Variants in AP1M2 observed in about 807,000 individuals in gnomAD.
AP1M2 encodes the protein adaptor related protein complex 1 subunit mu 2, also known as AP-1 complex subunit mu-2.
In AP1M2, 41 loss-of-function variants were observed where a neutral mutation model predicts 54.6. The observed-to-expected ratio is 0.75, with a 90% confidence interval of 0.59 to 0.97. AP1M2 has a LOEUF of 0.97. Among genes scored for constraint, AP1M2 ranks in the 50% least tolerant of loss-of-function variants. The pLI is 0.00. For missense variants in AP1M2, 507 were observed against 561.2 expected, an observed-to-expected ratio of 0.90 and a Z score of 0.98; for synonymous variants, 219 against 215.9, an observed-to-expected ratio of 1.01 and a Z score of -0.13.
rs906557864 is a variant in AP1M2 at position 10,572,865 on chromosome 19, C to T, written c.*201G>A. On this transcript the variant is annotated 3_prime_UTR_variant, in exon 12 of 12. Transcript: ENST00000250244. Reference sequence around the variant, plus strand: ...AGGGGGATGGGGAAAGCTCCAAGGGCGAGGGAAGCAGAGAGAGTTTCTCTC... The same window carrying T: ...AGGGGGATGGGGAAAGCTCCAAGGGTGAGGGAAGCAGAGAGAGTTTCTCTC... 3.8e-6 allele frequency: 2 copies of T among 524,780 alleles called. No individual in the cohort carries two copies. Among genetic ancestry groups the T allele is most frequent in the African/African-American group, 1.9e-5 (1 of 51,596 alleles). The allele number at this position is 524,780 out of a possible 1,614,324, so 32.5% of individuals were successfully genotyped here.
At position 10,579,829 on chromosome 19, in the gene AP1M2, C is replaced by T. The variant is rs1917374743; in HGVS notation, c.703G>A (p.Asp235Asn). 1.2e-6 allele frequency: 2 copies of T among 1,612,816 alleles called. No homozygotes were observed. Among genetic ancestry groups the T allele is most frequent in the East Asian group, 4.5e-5 (2 of 44,754 alleles). ...CGCACGCACTGGTGGAATTTTACAT[C>T]CTCCAGCTCTACTGATTTGTTCTTG... ...RSKNKSVELE[D>N]VKFHQCVRLS... Residue 235 changes from aspartate to asparagine, a missense_variant, in exon 7 of 12, where the codon GAT (aspartate) becomes AAT (asparagine). Coordinates refer to ENST00000250244, the MANE Select transcript of AP1M2 (RefSeq NM_005498.5).
intron 9 of AP1M2, among the ~76,000 whole-genome samples, chr19:10,575,964 G>A (rs1042085477): frequency 1.3e-5 from 2 of 148,752 alleles, no homozygotes; most frequent in African/African-American, 5.0e-5. Flanking sequence ...TAGTAGAGAC[G>A]GGGTTTCACA....
chr19:10,585,239 A>G (rs902400880), intron 1 of AP1M2, among the ~76,000 whole-genome samples: 26 of 83,216 alleles, frequency 3.1e-4, no homozygotes, highest in African/African-American at 9.3e-4. Flanking sequence ...AAAGAAAGAA[A>G]GAAAGAAGGA....
rs1002518814 is a variant in AP1M2 at position 10,585,923 on chromosome 19, A to G, written c.42+1267T>C. Reference sequence around the variant, plus strand: ...TGAAGCAGGGGGATAGCTGGGGACCAGGAGTTCAAGACCATCCTGGACAAC... The same window carrying G: ...TGAAGCAGGGGGATAGCTGGGGACCGGGAGTTCAAGACCATCCTGGACAAC... On this transcript the variant is annotated intron_variant, in intron 1 of 11. Coordinates refer to ENST00000250244, the MANE Select transcript of AP1M2 (RefSeq NM_005498.5). Among the ~76,000 whole-genome samples, 10 of 152,014 alleles carry G rather than the reference A, an allele frequency of 6.6e-5. No individual in the cohort carries two copies. The East Asian group carries it at 7.7e-4, about 12-fold the overall frequency.
At chr19:10,579,421 A>C (rs1214912062) in intron 7 of AP1M2, among the ~76,000 whole-genome samples, 1 of 152,072 alleles carries the variant, frequency 6.6e-6, no homozygotes, top group Admixed American at 6.6e-5. Flanking sequence ...GTCTCAAAAA[A>C]ATAATAATAA....
At chr19:10,586,467 A>T (rs918483029) in intron 1 of AP1M2, among the ~76,000 whole-genome samples, 3 of 151,086 alleles carry the variant, frequency 2.0e-5, no homozygotes, top group African/African-American at 7.3e-5. Flanking sequence ...AAAAAAAAAA[A>T]AAAAAAATTA....
intron 1 of AP1M2, among the ~76,000 whole-genome samples, chr19:10,585,290 A>AGAAAGAAAGAAAGAAAGAAG (rs1917607670): frequency 1.4e-4 from 12 of 82,798 alleles, no homozygotes; most frequent in African/African-American, 4.7e-4. Flanking sequence ...AAAAAAAGAA[A>AGAAAGAAAGAAAGAAAGAAG]GAAAGAAAGA....
rs555127191 is a variant in AP1M2 at position 10,583,520 on chromosome 19, A to G, written c.267+86T>C. The G allele has an allele frequency of 3.5e-4, 377 of 1,090,450 alleles. 4 individuals carry two copies. The South Asian group carries it at 4.3e-3, about 12-fold the overall frequency. The allele number at this position is 1,090,450 out of a possible 1,614,324, so 67.5% of individuals were successfully genotyped here. ...CCAGGGAGATCTGGGAAGGCTTCCT[A>G]TCAGAAAAGGATCTTGAATCTTGAA... On this transcript the variant is annotated intron_variant, in intron 3 of 11. Transcript: ENST00000250244.
At position 10,581,616 on chromosome 19, in the gene AP1M2, G is replaced by A; in HGVS notation, c.417C>T (p.Ser139=). Residue 139 remains serine (S), a synonymous_variant, in exon 5 of 12, where the codon AGC becomes AGT. Coordinates refer to ENST00000250244, the MANE Select transcript of AP1M2 (RefSeq NM_005498.5). ...KILQEYITQQ[S]NKLETGKSRV... ...GTGACTTGCCCGTCTCCAGCTTGTTGCTCTGCTGAGTGATGTACCTGGAGG... is the reference window on the plus strand; with the variant it reads ...GTGACTTGCCCGTCTCCAGCTTGTTACTCTGCTGAGTGATGTACCTGGAGG... 6.2e-7 allele frequency: 1 copy of A among 1,613,958 alleles called. No homozygotes were observed. Among genetic ancestry groups the A allele is most frequent in the East Asian group, 2.2e-5 (1 of 44,872 alleles).
intron 11 of AP1M2, among the ~76,000 whole-genome samples, chr19:10,573,747 G>A (rs1917135440): frequency 7.3e-6 from 1 of 136,302 alleles, no homozygotes; most frequent in Non-Finnish European, 1.5e-5. Context: ...CTACAGCCTC[G>A]ACCTCCTGGG....
chr19:10,580,242 G>A (rs1917395311), intron 6 of AP1M2, among the ~76,000 whole-genome samples: 1 of 151,800 alleles, frequency 6.6e-6, no homozygotes. Context: ...GTAGAGACGG[G>A]GTTTCTCCAT....
chr19:10,573,535 G>A (rs1436817873), intron 11 of AP1M2, among the ~76,000 whole-genome samples: 3 of 152,014 alleles, frequency 2.0e-5, no homozygotes, highest in African/African-American at 7.3e-5. Flanking sequence ...GCTAAACACA[G>A]GTACTGTAAC....
At chr19:10,582,114 G>A (rs1917486261) in intron 3 of AP1M2, among the ~76,000 whole-genome samples, 1 of 152,008 alleles carries the variant, frequency 6.6e-6, no homozygotes, top group South Asian at 2.1e-4. Flanking sequence ...CACTATCTCG[G>A]CTCACTGCAA....
chr19:10,578,854 G>A (rs1917332540), intron 8 of AP1M2, 38 bp downstream of exon 8: 5 of 1,555,484 alleles, frequency 3.2e-6, no homozygotes, highest in Non-Finnish European at 4.4e-6. Flanking sequence ...ACCCACCCGA[G>A]ATCATGCATT....
rs1451949661 is a variant in AP1M2, at chr19:10,585,264, GA to G, written c.43-1195del. Among the ~76,000 whole-genome samples the G allele has an allele frequency of 1.0e-4, 8 of 76,612 alleles. No individual in the cohort carries two copies. The East Asian group carries it at 2.3e-3, about 22-fold the overall frequency. 50.3% of individuals were successfully genotyped at this position (76,612 alleles called of 152,430 possible). A position where few individuals can be genotyped will look rare whatever the true frequency, so the allele number is the denominator to read the frequency against. ...AGAAAGAAGGAAAGAAGGAAAGAAG[GA>G]AAGAAAGAAAGAAGAAAAAAAGAAA... On this transcript the variant is annotated intron_variant, in intron 1 of 11. Transcript: ENST00000250244.
At position 10,572,869 on chromosome 19, in the gene AP1M2, G is replaced by A; in HGVS notation, c.*197C>T. 4 of 530,512 alleles carry A rather than the reference G, an allele frequency of 7.5e-6. No individual in the cohort carries two copies. In the East Asian group the frequency reaches 1.2e-4, roughly 16 times the overall value. 32.9% of individuals were successfully genotyped at this position (530,512 alleles called of 1,614,324 possible). A position where few individuals can be genotyped will look rare whatever the true frequency, so the allele number is the denominator to read the frequency against. ...GGATGGGGAAAGCTCCAAGGGCGAGGGAAGCAGAGAGAGTTTCTCTCCCAG... is the reference window on the plus strand; with the variant it reads ...GGATGGGGAAAGCTCCAAGGGCGAGAGAAGCAGAGAGAGTTTCTCTCCCAG... On this transcript the variant is annotated 3_prime_UTR_variant, in exon 12 of 12. Coordinates refer to ENST00000250244, the MANE Select transcript of AP1M2 (RefSeq NM_005498.5).
chr19:10,573,192 G>A (rs1445420628), intron 11 of AP1M2, 104 bp from the exon 12 acceptor site: 2 of 1,096,664 alleles, frequency 1.8e-6, no homozygotes, highest in African/African-American at 1.6e-5. Context: ...GTCGAGGCAG[G>A]TGGATCACTT....
intron 3 of AP1M2, among the ~76,000 whole-genome samples, 171 bp from the exon 4 acceptor site, chr19:10,582,049 T>C (rs1317314542): frequency 6.6e-6 from 1 of 151,798 alleles, no homozygotes; most frequent in Admixed American, 6.6e-5. Flanking sequence ...TTTTTTCTTT[T>C]TTCTTTTTTT....
In AP1M2 at chr19:10,581,568, G is replaced by A. The variant is rs755619204; in HGVS notation, c.465C>T (p.Asn155=). ...GKSRVPPTVT[N]AVSWRSEGIK... is the part of the protein sequence containing the mutation. ...TACCCTCGGAGCGCCAGGACACAGCGTTGGTGACAGTGGGTGGCACCCGTG... is the reference window on the plus strand; with the variant it reads ...TACCCTCGGAGCGCCAGGACACAGCATTGGTGACAGTGGGTGGCACCCGTG... Residue 155 remains asparagine, a synonymous_variant, in exon 5 of 12, where the codon AAC becomes AAT. Coordinates refer to ENST00000250244, the MANE Select transcript of AP1M2 (RefSeq NM_005498.5). 3.9e-5 allele frequency: 63 copies of A among 1,613,820 alleles called. No individual in the cohort carries two copies. Among genetic ancestry groups the A allele is most frequent in the East Asian group, 1.1e-4 (5 of 44,878 alleles).
Sources: gnomAD v4.1 joint callset for allele counts (sites outside exome capture counted in the v4.1 genomes callset) on GRCh38, gnomAD v4.1.1 for gene constraint, MANE v1.5 for transcripts, NCBI Gene and HGNC (gene_info 2026-07-23, HGNC 2026-07-21) for gene names.